Variants in SZT2 observed in about 807,000 individuals in gnomAD.
The protein encoded by SZT2 is KICSTOR complex protein SZT2.
A neutral mutation model predicts 404.2 loss-of-function variants in SZT2; 216 were observed. That is an observed-to-expected ratio of 0.53 (90% CI 0.48 to 0.60). The LOEUF (loss-of-function observed/expected upper bound fraction) is 0.60. Ranked by LOEUF, SZT2 falls within the 20% of genes least tolerant of loss-of-function variation. The pLI, the probability that SZT2 is intolerant of heterozygous loss-of-function variation, is 0.00. For missense variants in SZT2, 3,857 were observed against 4,459.2 expected (o/e 0.86, Z 3.85); for synonymous variants, 1,693 against 1,749.9 (o/e 0.97, Z 0.81).
intron 7 of SZT2, 92 bp downstream of exon 7, chr1:43,416,733 A>G (rs1651765616): frequency 9.9e-7 from 1 of 1,008,266 alleles, no homozygotes; most frequent in Non-Finnish European, 1.5e-6. Context: ...GTGATTTCCC[A>G]GATAAAGTCA....
At chr1:43,429,397 G>A (rs1239944245) in intron 28 of SZT2, 1 of 290,260 alleles carries the variant, frequency 3.4e-6, no homozygotes, top group Admixed American at 4.5e-5. Flanking sequence ...AGCTGGGCGT[G>A]GTGGCATATG....
chr1:43,430,156 C>T (rs558814899), intron 30 of SZT2, 53 bp downstream of exon 30: 6 of 1,598,596 alleles, frequency 3.8e-6, no homozygotes, highest in Non-Finnish European at 5.1e-6. Flanking sequence ...GAGGCCCACC[C>T]AGACCCTCTT....
In SZT2 at chr1:43,426,563, A is replaced by G. The variant is rs1653169393; in HGVS notation, c.3214+25A>G. On this transcript the variant is annotated intron_variant, in intron 22 of 71. Transcript: ENST00000634258. This position sits in a 1 kb window ranked among gnomAD's most constrained non-coding sequence, Gnocchi z 4.9. Reference sequence around the variant, plus strand: ...GGTGAGTTCCCCACATCCTCCTGACACCAGACCCTGGCCCAGCCCTTTTCC... The same window carrying G: ...GGTGAGTTCCCCACATCCTCCTGACGCCAGACCCTGGCCCAGCCCTTTTCC... The G allele has an allele frequency of 1.3e-6, 2 of 1,537,402 alleles. No individual in the cohort carries two copies. The highest frequency in any genetic ancestry group is 2.4e-5 in the South Asian group (2 of 84,604).
Position 43,442,407 on chromosome 1 carries a change from C to T in SZT2, c.7975-35C>T. On this transcript the variant is annotated intron_variant, in intron 57 of 71. Coordinates refer to ENST00000634258, the MANE Select transcript of SZT2 (RefSeq NM_001365999.1). The surrounding 1 kb of genome is among the most constrained non-coding windows in gnomAD (Gnocchi z 4.5). ...CAGGGACTGGGTGGGAAGAGGGGTT[C>T]CGTGATCTCACTGACCCTGACCCCC... The T allele has an allele frequency of 6.2e-7, 1 of 1,612,228 alleles. No individual in the cohort carries two copies. Among genetic ancestry groups the T allele is most frequent in the Non-Finnish European group, 8.5e-7 (1 of 1,178,948 alleles).
intron 1 of SZT2, chr1:43,393,993 A>G: frequency 1.4e-6 from 1 of 706,154 alleles, no homozygotes; most frequent in Non-Finnish European, 1.7e-6. Context: ...ATCAGATTTG[A>G]ATCCAGGTCC....
chr1:43,432,338 G>C lies in SZT2; in HGVS notation c.5341G>C (p.Val1781Leu), dbSNP rs774733544. 1 of 1,606,546 alleles carries C rather than the reference G, an allele frequency of 6.2e-7. No homozygotes were observed. Among genetic ancestry groups the C allele is most frequent in the South Asian group, 1.1e-5 (1 of 89,920 alleles). ...LEDPDSGFFF[V>L]AAGQQPGGSH... ...AGACCCTGACAGTGGCTTCTTCTTT[G>C]TGGCAGCTGGCCAACAGCCAGGTGG... The change falls in exon 37 of 72, where the codon GTG becomes CTG. Residue 1781 changes from valine to leucine, a missense_variant. Physicochemically the swap from Val to Leu is conservative, Grantham distance 32 (BLOSUM62 1). Around this residue, in one of 7 missense-constraint regions of SZT2, gnomAD observed 1,725 missense variants for 1,881.0 expected, o/e 0.92. Coordinates refer to ENST00000634258, the MANE Select transcript of SZT2 (RefSeq NM_001365999.1).
intron 2 of SZT2, 50 bp from the exon 3 acceptor site, chr1:43,403,551 A>G: frequency 6.3e-7 from 1 of 1,585,548 alleles, no homozygotes. Flanking sequence ...TCCTGGGAAG[A>G]AAGGGATACT....
In SZT2 at chr1:43,448,778, C is replaced by T; in HGVS notation, c.10086+50C>T. 1.3e-6 allele frequency: 2 copies of T among 1,551,620 alleles called. No individual in the cohort carries two copies. Among genetic ancestry groups the T allele is most frequent in the Non-Finnish European group, 1.8e-6 (2 of 1,123,918 alleles). ...AAAAGGGAAACACAGCAGAAATCCT[C>T]ACCAAACAGATGTGCCCCTCAGCCT... is the stretch of plus-strand genomic sequence containing the variant. On this transcript the variant is annotated intron_variant, in intron 70 of 71. Coordinates refer to ENST00000634258, the MANE Select transcript of SZT2 (RefSeq NM_001365999.1). The surrounding 1 kb of genome is among the most constrained non-coding windows in gnomAD (Gnocchi z 4.2).
chr1:43,430,811 G>A (rs1653780931), intron 32 of SZT2, 22 bp downstream of exon 32: 1 of 1,598,448 alleles, frequency 6.3e-7, no homozygotes, highest in East Asian at 2.2e-5. Context: ...GCAGCCCGAG[G>A]GAAAGCCAAA....
rs1472979588 is a variant in SZT2, at chr1:43,389,920, A to G, written c.-49A>G. On this transcript the variant is annotated 5_prime_UTR_variant, in exon 1 of 72. Coordinates refer to ENST00000634258, the MANE Select transcript of SZT2 (RefSeq NM_001365999.1). The stretch of plus-strand genomic sequence containing the variant: ...TGCCGAGGTAGCGAGGTCAGGGGTC[A>G]AGAGTGGAACACCCTCACTGGCCCG... The G allele has an allele frequency of 6.5e-7, 1 of 1,532,734 alleles. No individual in the cohort carries two copies. Among genetic ancestry groups the G allele is most frequent in the Non-Finnish European group, 8.8e-7 (1 of 1,140,836 alleles). The allele number at this position is 1,532,734 out of a possible 1,614,324, so 94.9% of individuals were successfully genotyped here. A position where few individuals can be genotyped will look rare whatever the true frequency, so the allele number is the denominator to read the frequency against.
chr1:43,433,564 T>C (rs1654154824), intron 40 of SZT2, among the ~76,000 whole-genome samples: 1 of 152,156 alleles, frequency 6.6e-6, no homozygotes, highest in African/African-American at 2.4e-5. Context: ...GGCGGATCAC[T>C]TGAGGTTAGG....
chr1:43,448,484 G>A lies in SZT2; in HGVS notation c.9969G>A (p.Leu3323=). ...AKSIGDIDPQ[L]DCFLSMTVSW... Reference sequence around the variant, plus strand: ...CCATTGGGGACATCGACCCCCAGCTGGTAAGGAACTGTGGGCTCCCGAAAG... The same window carrying A: ...CCATTGGGGACATCGACCCCCAGCTAGTAAGGAACTGTGGGCTCCCGAAAG... The change falls in exon 69 of 72, where the codon CTG becomes CTA. Residue 3323 remains leucine, a splice_region_variant and synonymous_variant. Coordinates refer to ENST00000634258, the MANE Select transcript of SZT2 (RefSeq NM_001365999.1). This position sits in a 1 kb window ranked among gnomAD's most constrained non-coding sequence, Gnocchi z 4.2. The A allele has an allele frequency of 6.2e-7, 1 of 1,608,658 alleles. No individual in the cohort carries two copies. The highest frequency in any genetic ancestry group is 8.5e-7 in the Non-Finnish European group (1 of 1,177,314).
chr1:43,442,150 G>T lies in SZT2; in HGVS notation c.7873+20G>T, dbSNP rs754925565. On this transcript the variant is annotated intron_variant, in intron 56 of 71. Transcript: ENST00000634258. This position sits in a 1 kb window ranked among gnomAD's most constrained non-coding sequence, Gnocchi z 4.5. ...AGCAGGGTGAGGGCATGGCCCGGGG[G>T]GGCGGGGGGCGGGTAGGCTAAGAGT... is the stretch of plus-strand genomic sequence containing the variant. The T allele has an allele frequency of 1.9e-6, 3 of 1,576,516 alleles. No homozygotes were observed. The highest frequency in any genetic ancestry group is 2.6e-6 in the Non-Finnish European group (3 of 1,147,844).
At chr1:43,419,627 TG>T in intron 7 of SZT2, 106 bp from the exon 8 acceptor site, 1 of 863,230 alleles carries the variant, frequency 1.2e-6, no homozygotes, top group Non-Finnish European at 1.8e-6. Context: ...TCCCACTCTG[TG>T]GTCCAGGGAA....
At position 43,453,526 on chromosome 1, in the gene SZT2, G is replaced by A. The variant is rs1312736365; in HGVS notation, c.*3046G>A. On this transcript the variant is annotated 3_prime_UTR_variant, in exon 72 of 72. Coordinates refer to ENST00000634258, the MANE Select transcript of SZT2 (RefSeq NM_001365999.1). The stretch of plus-strand genomic sequence containing the variant: ...CAGAGAGAACGGGCCTCAGCCCCCG[G>A]CTCGGACACTCCCCTGCCCGCGCCC... The A allele has an allele frequency of 5.9e-6, 9 of 1,532,446 alleles. No homozygotes were observed. Among genetic ancestry groups the A allele is most frequent in the East Asian group, 2.5e-5 (1 of 40,666 alleles). The allele number at this position is 1,532,446 out of a possible 1,614,324, so 94.9% of individuals were successfully genotyped here. A position where few individuals can be genotyped will look rare whatever the true frequency, so the allele number is the denominator to read the frequency against.
At position 43,446,353 on chromosome 1, in the gene SZT2, C is replaced by A; in HGVS notation, c.9009C>A (p.Phe3003Leu). The change falls in exon 65 of 72, where the codon TTC becomes TTA. Residue 3003 changes from phenylalanine to leucine, a missense_variant. Phe to Leu is a conservative substitution (Grantham distance 22, BLOSUM62 0). This residue lies in a region of SZT2 where 717 missense variants were observed against 868.2 expected (regional missense o/e 0.83). Coordinates refer to ENST00000634258, the MANE Select transcript of SZT2 (RefSeq NM_001365999.1). Reference protein sequence around the residue: ...LMELAFQGCYFCVKQFALECS... With the variant: ...LMELAFQGCYLCVKQFALECS... ...CACCTTCCCTCCAGGGCTGTTACTT[C>A]TGTGTCAAACAGTTTGCCCTGGAAT... The A allele has an allele frequency of 6.2e-7, 1 of 1,614,252 alleles. No homozygotes were observed. Among genetic ancestry groups the A allele is most frequent in the Non-Finnish European group, 8.5e-7 (1 of 1,180,046 alleles).
Position 43,425,080 on chromosome 1 carries a change from G to A in SZT2, c.2551-33G>A. 1 of 1,613,526 alleles carries A rather than the reference G, an allele frequency of 6.2e-7. No homozygotes were observed. ...CCAGGCCAGATCTCTGCCTTGGCTG[G>A]GATTTGCCCAAGATCTCCCATTTTG... On this transcript the variant is annotated intron_variant, in intron 17 of 71. Transcript: ENST00000634258. This position sits in a 1 kb window ranked among gnomAD's most constrained non-coding sequence, Gnocchi z 4.3.
At chr1:43,432,048 C>A (rs1653957485) in intron 36 of SZT2, 147 bp downstream of exon 36, 3 of 1,192,668 alleles carry the variant, frequency 2.5e-6, no homozygotes, top group East Asian at 2.4e-5. Context: ...TGCCCTAACC[C>A]CTGTGCTTGG....
Position 43,446,202 on chromosome 1 carries a change from C to T in SZT2, c.8940C>T (p.Thr2980=). The T allele has an allele frequency of 6.2e-7, 1 of 1,614,250 alleles. No individual in the cohort carries two copies. Among genetic ancestry groups the T allele is most frequent in the Non-Finnish European group, 8.5e-7 (1 of 1,180,052 alleles). ...AGAGCACTAGCTCTCCGGTAACCAC[C>T]TACCACCTGCAGCGGGCACTGCCTG... The part of the protein sequence containing the change: ...SPKSTSSPVT[T]YHLQRALPGG... Residue 2980 remains threonine (T), a synonymous_variant, in exon 64 of 72, where the codon ACC becomes ACT. Transcript: ENST00000634258.
Sources: gnomAD v4.1 joint callset for allele counts (sites outside exome capture counted in the v4.1 genomes callset) on GRCh38, gnomAD v4.1.1 for gene constraint, gnomAD v4.1.1 regional missense constraint, Gnocchi (gnomAD v3.1) non-coding constraint, MANE v1.5 for transcripts, NCBI Gene and HGNC (gene_info 2026-07-23, HGNC 2026-07-21) for gene names.